Variants in ADCY8 observed in about 807,000 individuals in gnomAD.
ADCY8 encodes the protein adenylate cyclase type 8.
In ADCY8, 51 loss-of-function variants were observed where a neutral mutation model predicts 119.7. The ratio of observed to expected loss-of-function variants is 0.43; its 90% confidence interval spans 0.34 to 0.54. ADCY8 has a LOEUF of 0.54. ADCY8 is among the 20% of genes least tolerant of loss of function. ADCY8 has a pLI of 0.03. For synonymous variants in ADCY8, 665 were observed against 651.0 expected (o/e 1.02, Z -0.33); for missense variants, 1,383 against 1,598.8 (o/e 0.87, Z 2.30).
At chr8:130,814,005 T>C (rs1036241064) in intron 14 of ADCY8, 64 bp downstream of exon 14, 3 of 1,582,650 alleles carry the variant, frequency 1.9e-6, no homozygotes, top group African/African-American at 2.7e-5. Flanking sequence ...TTGGGATCAA[T>C]GTGAACAACT....
chr8:130,850,947 T>C (rs1817505927), intron 9 of ADCY8, among the ~76,000 whole-genome samples: 1 of 152,178 alleles, frequency 6.6e-6, no homozygotes, highest in African/African-American at 2.4e-5. Flanking sequence ...GAGGTCTTTT[T>C]ATCTCTTTTT....
intron 14 of ADCY8, among the ~76,000 whole-genome samples, chr8:130,811,447 T>C (rs1378858085): frequency 2.0e-5 from 3 of 152,218 alleles, no homozygotes; most frequent in Non-Finnish European, 4.4e-5. Context: ...TAACCCACTG[T>C]CCAAGCCAAC....
chr8:130,883,577 G>A (rs1348698953), intron 8 of ADCY8, among the ~76,000 whole-genome samples: 2 of 152,134 alleles, frequency 1.3e-5, no homozygotes, highest in South Asian at 2.1e-4. Context: ...AATCTCCCAG[G>A]CAGCTGAACA....
chr8:130,807,176 C>G (rs1815991279), intron 14 of ADCY8, among the ~76,000 whole-genome samples: 1 of 152,214 alleles, frequency 6.6e-6, no homozygotes, highest in African/African-American at 2.4e-5. Flanking sequence ...CTGACGTCCT[C>G]TCTGCCTGGG....
chr8:130,784,278 G>A (rs1815182067), intron 16 of ADCY8, among the ~76,000 whole-genome samples: 1 of 151,970 alleles, frequency 6.6e-6, no homozygotes, highest in Non-Finnish European at 1.5e-5. Context: ...TAAGAACTGT[G>A]TCTATTTCCT....
At position 130,954,091 on chromosome 8, in the gene ADCY8, T is replaced by C. The variant is rs112598270; in HGVS notation, c.1111-2093A>G. Among the ~76,000 whole-genome samples, 1,178 of 152,260 alleles carry C rather than the reference T, an allele frequency of 7.7e-3. 20 individuals are homozygous for C. The highest frequency in any genetic ancestry group is 0.026 in the African/African-American group (1,089 of 41,538). On this transcript the variant is annotated intron_variant, in intron 2 of 17. Coordinates refer to ENST00000286355, the MANE Select transcript of ADCY8 (RefSeq NM_001115.3). ...ATGCCACTGCATCTGCACTTGTAAG[T>C]GATAGAGCTGTAATACACAATCCAC...
chr8:130,904,240 G>A (rs745870611), intron 6 of ADCY8, among the ~76,000 whole-genome samples, 198 bp from the exon 7 acceptor site: 6 of 152,178 alleles, frequency 3.9e-5, no homozygotes, highest in Non-Finnish European at 5.9e-5. Context: ...ACAGTATCAC[G>A]GACATCGTCC....
chr8:130,798,172 C>T (rs1815646303), intron 15 of ADCY8, among the ~76,000 whole-genome samples: 1 of 152,208 alleles, frequency 6.6e-6, no homozygotes, highest in South Asian at 2.1e-4. Flanking sequence ...ACATGGGTTT[C>T]TACCCTAGAA....
chr8:131,017,879 T>C (rs1276719454), intron 1 of ADCY8, among the ~76,000 whole-genome samples: 1 of 151,952 alleles, frequency 6.6e-6, no homozygotes, highest in Non-Finnish European at 1.5e-5. Context: ...CCTGCTCAGC[T>C]CTTGGAAGTT....
chr8:130,790,151 G>A (rs1467914539), intron 15 of ADCY8, among the ~76,000 whole-genome samples: 2 of 152,162 alleles, frequency 1.3e-5, no homozygotes, highest in East Asian at 3.8e-4. Context: ...TTGAGGGCTG[G>A]AGTTAATGTG....
intron 2 of ADCY8, among the ~76,000 whole-genome samples, chr8:130,959,412 A>G (rs1323625256): frequency 6.6e-6 from 1 of 152,216 alleles, no homozygotes; most frequent in Non-Finnish European, 1.5e-5. Flanking sequence ...TTAGTGTAAC[A>G]TTTAACAGAA....
intron 2 of ADCY8, among the ~76,000 whole-genome samples, chr8:130,970,028 C>A (rs1821875986): frequency 6.6e-6 from 1 of 152,208 alleles, no homozygotes; most frequent in Non-Finnish European, 1.5e-5. Context: ...GGGACAATGA[C>A]ACCTTTGTGA....
At chr8:130,876,034 G>A (rs1056121744) in intron 8 of ADCY8, among the ~76,000 whole-genome samples, 1 of 152,012 alleles carries the variant, frequency 6.6e-6, no homozygotes, top group Non-Finnish European at 1.5e-5. Context: ...TTCAACTTCA[G>A]TTTTGTTTAA....
In ADCY8 at chr8:131,040,034, C is replaced by T; in HGVS notation, c.300G>A (p.Ala100=). 1 of 1,550,208 alleles carries T rather than the reference C, an allele frequency of 6.5e-7. No individual in the cohort carries two copies. Among genetic ancestry groups the T allele is most frequent in the Non-Finnish European group, 8.7e-7 (1 of 1,151,740 alleles). The change falls in exon 1 of 18, where the codon GCG becomes GCA. Residue 100 remains alanine, a synonymous_variant. Transcript: ENST00000286355. ...AGACTTTGGTGCCGCAGGTGCTGTG[C>T]GCTCGCTCTCCCGGGCCCAGCGAGT... ...PLYSLGPGER[A]HSTCGTKVFP...
At chr8:130,944,373 T>G (rs1821047835) in intron 3 of ADCY8, among the ~76,000 whole-genome samples, 1 of 152,194 alleles carries the variant, frequency 6.6e-6, no homozygotes, top group Non-Finnish European at 1.5e-5. Context: ...CATTTCTCAT[T>G]TTTCATCCTC....
At position 130,932,894 on chromosome 8, in the gene ADCY8, A is replaced by T. The variant is rs151070309; in HGVS notation, c.1481+4179T>A. On this transcript the variant is annotated intron_variant, in intron 5 of 17. Coordinates refer to ENST00000286355, the MANE Select transcript of ADCY8 (RefSeq NM_001115.3). Reference sequence around the variant, plus strand: ...ACATGTTTGGAATGATCAGTGAGTAAGAGACTAGGGTCATTTTGAGTGTTG... The same window carrying T: ...ACATGTTTGGAATGATCAGTGAGTATGAGACTAGGGTCATTTTGAGTGTTG... Among the ~76,000 whole-genome samples, 972 of 152,316 alleles carry T rather than the reference A, an allele frequency of 6.4e-3. 10 individuals carry two copies. The highest frequency in any genetic ancestry group is 0.022 in the African/African-American group (933 of 41,568).
chr8:130,831,153 T>C (rs1816822660), intron 12 of ADCY8, among the ~76,000 whole-genome samples: 1 of 152,118 alleles, frequency 6.6e-6, no homozygotes, highest in African/African-American at 2.4e-5. Context: ...TGAGAAAAAA[T>C]CTTAAGGGTT....
chr8:130,961,574 G>A (rs1821607717), intron 2 of ADCY8, among the ~76,000 whole-genome samples: 2 of 152,092 alleles, frequency 1.3e-5, no homozygotes. Context: ...AGAGGTCTAT[G>A]TACTGTTGCC....
At chr8:130,844,012 A>G (rs73342483) in intron 11 of ADCY8, among the ~76,000 whole-genome samples, 6,734 of 152,128 alleles carry the variant, frequency 0.044, 479 homozygotes, top group African/African-American at 0.15. Flanking sequence ...AGGGAAGGAA[A>G]TGCCAGCATG....
Sources: gnomAD v4.1 joint callset for allele counts (sites outside exome capture counted in the v4.1 genomes callset) on GRCh38, gnomAD v4.1.1 for gene constraint, MANE v1.5 for transcripts, NCBI Gene and HGNC (gene_info 2026-07-23, HGNC 2026-07-21) for gene names.